Variants in ST6GAL1 observed in about 807,000 individuals in gnomAD.
ST6GAL1 encodes ST6 beta-galactoside alpha-2,6-sialyltransferase 1, also known as beta-galactoside alpha-2,6-sialyltransferase 1.
A neutral mutation model predicts 38.0 loss-of-function variants in ST6GAL1; 20 were observed. The observed-to-expected ratio is 0.53, with a 90% confidence interval of 0.37 to 0.77. The LOEUF is 0.77. Among genes scored for constraint, ST6GAL1 ranks in the 30% least tolerant of loss-of-function variants. The pLI is 0.00. For missense variants in ST6GAL1, 432 were observed against 496.4 expected (o/e 0.87, Z 1.23); for synonymous variants, 196 against 188.2 (o/e 1.04, Z -0.34).
chr3:187,006,042 T>G, intron 2 of ST6GAL1: 1 of 152,268 alleles, frequency 6.6e-6, no homozygotes, highest in South Asian at 2.1e-4. Context: ...GTGAGGGCTG[T>G]TGGGGAGTGG....
intron 2 of ST6GAL1, among the ~76,000 whole-genome samples, chr3:186,985,824 C>T (rs1256151281): frequency 6.6e-6 from 1 of 151,590 alleles, no homozygotes; most frequent in Non-Finnish European, 1.5e-5. Context: ...GGTCTGGAGT[C>T]TGAGGGAGAT....
rs1207348447 is a variant in ST6GAL1, at chr3:187,075,992, A to G, written c.*189A>G. ...CAGGTCCAGCCTTCCCTGTAGCCAG[A>G]CAGTTTATGAGCCCAGAGCCTCCTG... On this transcript the variant is annotated 3_prime_UTR_variant, in exon 8 of 8. Transcript: ENST00000169298. This position sits in a 1 kb window ranked among gnomAD's most constrained non-coding sequence, Gnocchi z 4.1. 7.4e-6 allele frequency: 6 copies of G among 807,976 alleles called. No individual in the cohort carries two copies. The highest frequency in any genetic ancestry group is 2.7e-5 in the East Asian group (1 of 36,538). 50.1% of individuals were successfully genotyped at this position (807,976 alleles called of 1,614,324 possible).
chr3:186,965,318 G>A (rs1211648466), intron 2 of ST6GAL1, among the ~76,000 whole-genome samples: 1 of 152,138 alleles, frequency 6.6e-6, no homozygotes, highest in Non-Finnish European at 1.5e-5. Flanking sequence ...CGGGTGTGGG[G>A]GACTTCCTGC....
Position 186,979,643 on chromosome 3 carries a change from A to G in ST6GAL1, c.-183+15717A>G, listed in dbSNP as rs550553906. On this transcript the variant is annotated intron_variant, in intron 2 of 7. Coordinates refer to ENST00000169298, the MANE Select transcript of ST6GAL1 (RefSeq NM_173216.2). ...ATCTGCGTAATAGCTGCTCCTAAGA[A>G]TGCAACGTGAGCTGAATTCAAACAT... Among the ~76,000 whole-genome samples, 215 of 152,302 alleles carry G rather than the reference A, an allele frequency of 1.4e-3. 1 individual carries two copies. Among genetic ancestry groups the G allele is most frequent in the Non-Finnish European group, 2.6e-3 (179 of 68,028 alleles).
chr3:187,060,048 G>C (rs1560180525), intron 5 of ST6GAL1, among the ~76,000 whole-genome samples: 1 of 152,156 alleles, frequency 6.6e-6, no homozygotes, highest in Non-Finnish European at 1.5e-5. Flanking sequence ...GTTTTGTGTG[G>C]AAGGAAATGG....
chr3:187,024,572 T>A (rs1717460820), intron 2 of ST6GAL1: 1 of 151,020 alleles, frequency 6.6e-6, no homozygotes, highest in Non-Finnish European at 1.5e-5. Flanking sequence ...ACCATTGAAT[T>A]TGAAACCACC....
intron 1 of ST6GAL1, among the ~76,000 whole-genome samples, chr3:186,945,255 A>G (rs756398986): frequency 6.6e-6 from 1 of 151,402 alleles, no homozygotes; most frequent in Non-Finnish European, 1.5e-5. Flanking sequence ...GCAGTGAGCT[A>G]TGATTGTGCC....
intron 2 of ST6GAL1, among the ~76,000 whole-genome samples, chr3:187,002,648 GT>G (rs1481370297): frequency 2.0e-5 from 3 of 152,180 alleles, no homozygotes; most frequent in Non-Finnish European, 4.4e-5. Flanking sequence ...AGGATTTGGG[GT>G]GAGGAAAGTT....
At chr3:186,993,337 C>T (rs1716241054) in intron 2 of ST6GAL1, among the ~76,000 whole-genome samples, 2 of 152,256 alleles carry the variant, frequency 1.3e-5, no homozygotes, top group African/African-American at 2.4e-5. Flanking sequence ...TAAGATTTCC[C>T]GTTTTTGGCA....
At chr3:187,015,733 G>A (rs1418382812) in intron 2 of ST6GAL1, among the ~76,000 whole-genome samples, 1 of 152,108 alleles carries the variant, frequency 6.6e-6, no homozygotes, top group Non-Finnish European at 1.5e-5. Flanking sequence ...CAGCTACTTG[G>A]GAGGCTGAGG....
At chr3:186,998,357 A>C (rs1716490239) in intron 2 of ST6GAL1, among the ~76,000 whole-genome samples, 1 of 152,332 alleles carries the variant, frequency 6.6e-6, no homozygotes, top group Middle Eastern at 3.4e-3. Flanking sequence ...TTTATATGTT[A>C]TGTGTTTTAT....
At chr3:187,042,170 A>G (rs549192286) in intron 3 of ST6GAL1, among the ~76,000 whole-genome samples, 5 of 151,916 alleles carry the variant, frequency 3.3e-5, no homozygotes, top group Admixed American at 2.6e-4. Flanking sequence ...TATTTTAGGA[A>G]GTTTAGGTCT....
At chr3:187,000,819 GT>G (rs1330309616) in intron 2 of ST6GAL1, among the ~76,000 whole-genome samples, 3 of 152,280 alleles carry the variant, frequency 2.0e-5, no homozygotes, top group South Asian at 4.2e-4. Context: ...TTTCACTTCT[GT>G]TTTCCCAGCC....
At chr3:187,007,975 A>G (rs1716836075) in intron 2 of ST6GAL1, among the ~76,000 whole-genome samples, 1 of 85,580 alleles carries the variant, frequency 1.2e-5, no homozygotes, top group Non-Finnish European at 2.5e-5. Flanking sequence ...TGAAATATAC[A>G]TTATGAAACA....
intron 2 of ST6GAL1, among the ~76,000 whole-genome samples, chr3:187,019,814 T>C (rs1381831457): frequency 6.6e-6 from 1 of 152,102 alleles, no homozygotes; most frequent in African/African-American, 2.4e-5. Context: ...AAGGTCCAGA[T>C]GAGGGTGAGG....
Position 186,952,434 on chromosome 3 carries a change from G to A in ST6GAL1, c.-324-11351G>A, listed in dbSNP as rs528026229. Among the ~76,000 whole-genome samples, 1 of 152,178 alleles carries A rather than the reference G, an allele frequency of 6.6e-6. No homozygotes were observed. The highest frequency in any genetic ancestry group is 2.4e-5 in the African/African-American group (1 of 41,516). On this transcript the variant is annotated intron_variant, in intron 1 of 7. Transcript: ENST00000169298. This position sits in a 1 kb window ranked among gnomAD's most constrained non-coding sequence, Gnocchi z 4.1. ...TGGCTTCTGGAACATCACTGTCTTTGCTTTTCCTCTTCTCTCACTAGGTTC... is the reference window on the plus strand; with the variant it reads ...TGGCTTCTGGAACATCACTGTCTTTACTTTTCCTCTTCTCTCACTAGGTTC...
intron 1 of ST6GAL1, among the ~76,000 whole-genome samples, chr3:186,946,444 C>T (rs533174782): frequency 1.3e-4 from 20 of 152,140 alleles, no homozygotes; most frequent in African/African-American, 4.1e-4. Context: ...TGCAGTGGCG[C>T]GGTCACTGCT....
At chr3:186,986,819 A>C (rs930369950) in intron 2 of ST6GAL1, 1 of 152,176 alleles carries the variant, frequency 6.6e-6, no homozygotes, top group Non-Finnish European at 1.5e-5. Context: ...GATGCATCTT[A>C]TAGCAAGTCG....
intron 2 of ST6GAL1, among the ~76,000 whole-genome samples, chr3:187,019,154 G>A (rs1178586084): frequency 2.0e-5 from 3 of 152,094 alleles, no homozygotes; most frequent in Non-Finnish European, 4.4e-5. Flanking sequence ...TCGTGTCGGG[G>A]GAAACAAAAT....
Sources: allele counts gnomAD v4.1 joint callset (sites outside exome capture counted in the v4.1 genomes callset), GRCh38; gene constraint gnomAD v4.1.1; non-coding constraint Gnocchi (gnomAD v3.1); transcripts MANE v1.5; gene names NCBI Gene and HGNC (gene_info 2026-07-23, HGNC 2026-07-21).